KCTD16: variants seen among roughly 807,000 people sequenced by gnomAD.
KCTD16 encodes BTB/POZ domain-containing protein KCTD16.
In KCTD16, 13 loss-of-function variants were observed where a neutral mutation model predicts 33.2. The observed-to-expected ratio is 0.39, with a 90% CI of 0.25 to 0.62. The LOEUF is 0.62. KCTD16 is among the 20% of genes least tolerant of loss of function. KCTD16 has a pLI of 0.50. For missense variants in KCTD16, 441 were observed against 525.1 expected, an observed-to-expected ratio of 0.84 and a Z score of 1.57; for synonymous variants, 197 against 195.3, an observed-to-expected ratio of 1.01 and a Z score of -0.07.
In KCTD16 at chr5:144,479,365, C is replaced by CAAAAAAAAAAA. The variant is rs368957124; in HGVS notation, c.*5257_*5267dup. On this transcript the variant is annotated 3_prime_UTR_variant, in exon 4 of 4. Coordinates refer to ENST00000512467, the MANE Select transcript of KCTD16 (RefSeq NM_020768.4). Reference sequence around the variant, plus strand: ...CCAAACTGATGTGTAAGAATAAATGCAAAAAAAAAAAAAAAAGAAAAAGAA... The same window carrying CAAAAAAAAAAA: ...CCAAACTGATGTGTAAGAATAAATGCAAAAAAAAAAAAAAAAAAAAAAAAAAAGAAAAAGAA... 3 of 92,462 alleles carry CAAAAAAAAAAA rather than the reference C, an allele frequency of 3.2e-5. No individual in the cohort carries two copies. Among genetic ancestry groups the CAAAAAAAAAAA allele is most frequent in the African/African-American group, 5.0e-5 (1 of 20,126 alleles). 5.7% of individuals were successfully genotyped at this position (92,462 alleles called of 1,614,324 possible).
chr5:144,387,492 G>A (rs1399889683), intron 3 of KCTD16, among the ~76,000 whole-genome samples: 1 of 152,104 alleles, frequency 6.6e-6, no homozygotes, highest in Non-Finnish European at 1.5e-5. Flanking sequence ...ATACCCAAGG[G>A]TAATAATTTT....
At chr5:144,259,041 G>T (rs1183038137) in intron 3 of KCTD16, among the ~76,000 whole-genome samples, 1 of 152,014 alleles carries the variant, frequency 6.6e-6, no homozygotes, top group African/African-American at 2.4e-5. Flanking sequence ...GGCAGATCAC[G>T]AGGTTAGGAG....
At chr5:144,423,363 G>T (rs371320281) in intron 3 of KCTD16, among the ~76,000 whole-genome samples, 1 of 152,102 alleles carries the variant, frequency 6.6e-6, no homozygotes, top group Non-Finnish European at 1.5e-5. Flanking sequence ...TGTGTAGAAT[G>T]AACTGTAGGG....
In KCTD16 at chr5:144,253,533, G is replaced by C. The variant is rs544589208; in HGVS notation, c.832+45987G>C. Reference sequence around the variant, plus strand: ...AACATATTCCTTCTTCAAATATAAGGACTAGCTTTGTGTAACTTTACTACT... The same window carrying C: ...AACATATTCCTTCTTCAAATATAAGCACTAGCTTTGTGTAACTTTACTACT... On this transcript the variant is annotated intron_variant, in intron 3 of 3. Coordinates refer to ENST00000512467, the MANE Select transcript of KCTD16 (RefSeq NM_020768.4). Among the ~76,000 whole-genome samples, 80 of 152,240 alleles carry C rather than the reference G, an allele frequency of 5.3e-4. 1 individual carries two copies. Among genetic ancestry groups the C allele is most frequent in the Non-Finnish European group, 8.1e-4 (55 of 68,004 alleles).
rs769825888 is a variant in KCTD16 at position 144,207,440 on chromosome 5, G to C, written c.726G>C (p.Glu242Asp). 5.0e-6 allele frequency: 8 copies of C among 1,614,238 alleles called. No individual in the cohort carries two copies. The East Asian group carries it at 1.1e-4, about 22-fold the overall frequency. The change falls in exon 3 of 4, where the codon GAG becomes GAC. Residue 242 changes from glutamate to aspartate, a missense_variant. Physicochemically the swap from Glu to Asp is conservative, Grantham distance 45 (BLOSUM62 2). Coordinates refer to ENST00000512467, the MANE Select transcript of KCTD16 (RefSeq NM_020768.4). ...AAAGGGCTTTTGATATGTTGTCAGA[G>C]TGTGGATTCCACATGGTGGCCTGTA... ...HLERAFDMLS[E>D]CGFHMVACNS... is the part of the protein sequence containing the mutation.
chr5:144,268,232 C>T (rs1000665657), intron 3 of KCTD16, among the ~76,000 whole-genome samples: 12 of 152,174 alleles, frequency 7.9e-5, no homozygotes. Context: ...AATACTCTAT[C>T]CTCCAAATGT....
At chr5:144,305,553 C>T (rs1358917385) in intron 3 of KCTD16, among the ~76,000 whole-genome samples, 4 of 152,142 alleles carry the variant, frequency 2.6e-5, no homozygotes. Context: ...CAGTGGCTCA[C>T]GCCTGTAATC....
At chr5:144,328,869 T>C (rs1031691271) in intron 3 of KCTD16, among the ~76,000 whole-genome samples, 5 of 151,960 alleles carry the variant, frequency 3.3e-5, no homozygotes, top group Admixed American at 1.3e-4. Context: ...TTTTCTTTTT[T>C]TTTTTTTATC....
At chr5:144,428,642 A>C (rs1363280768) in intron 3 of KCTD16, among the ~76,000 whole-genome samples, 4 of 152,192 alleles carry the variant, frequency 2.6e-5, no homozygotes, top group Non-Finnish European at 5.9e-5. Flanking sequence ...AATAATAAGC[A>C]ATATTGTTTT....
intron 3 of KCTD16, among the ~76,000 whole-genome samples, chr5:144,324,931 G>A (rs1752165507): frequency 6.6e-6 from 1 of 152,184 alleles, no homozygotes; most frequent in Non-Finnish European, 1.5e-5. Flanking sequence ...TGTGGCAGGG[G>A]TGAAGGGAGG....
chr5:144,264,230 A>C (rs1358942845), intron 3 of KCTD16, among the ~76,000 whole-genome samples: 2 of 152,234 alleles, frequency 1.3e-5, no homozygotes, highest in Non-Finnish European at 2.9e-5. Flanking sequence ...AAGATTATGC[A>C]TGCTTACTGT....
chr5:144,470,686 A>G (rs562930098), intron 3 of KCTD16, among the ~76,000 whole-genome samples: 2 of 152,336 alleles, frequency 1.3e-5, no homozygotes, highest in East Asian at 3.9e-4. Flanking sequence ...GATAGTGCCC[A>G]GAATAAGTGG....
intron 3 of KCTD16, among the ~76,000 whole-genome samples, chr5:144,419,481 G>A (rs1027690873): frequency 1.3e-5 from 2 of 152,108 alleles, no homozygotes; most frequent in Non-Finnish European, 2.9e-5. Context: ...ATATTTCTCT[G>A]TGTATGTTTA....
chr5:144,376,600 T>C (rs1183391150), intron 3 of KCTD16, among the ~76,000 whole-genome samples: 1 of 152,158 alleles, frequency 6.6e-6, no homozygotes, highest in Admixed American at 6.5e-5. Flanking sequence ...TAAAGACTGA[T>C]TTACAGAGCA....
intron 3 of KCTD16, among the ~76,000 whole-genome samples, chr5:144,426,440 A>C (rs1753331453): frequency 1.3e-5 from 2 of 152,132 alleles, no homozygotes; most frequent in Non-Finnish European, 2.9e-5. Context: ...TTTGCAAAAA[A>C]TACAGGCTTT....
intron 3 of KCTD16, among the ~76,000 whole-genome samples, chr5:144,244,034 C>T (rs1449226717): frequency 6.6e-6 from 1 of 152,076 alleles, no homozygotes; most frequent in Non-Finnish European, 1.5e-5. Context: ...TGAGCCACCG[C>T]GTCCAGCCCC....
intron 3 of KCTD16, among the ~76,000 whole-genome samples, chr5:144,463,790 C>G (rs936919926): frequency 1.3e-5 from 2 of 152,136 alleles, no homozygotes; most frequent in Non-Finnish European, 2.9e-5. Context: ...AAATAAGCCT[C>G]TGTAAGGAAA....
intron 3 of KCTD16, among the ~76,000 whole-genome samples, chr5:144,381,051 T>C (rs1370097898): frequency 6.6e-6 from 1 of 152,062 alleles, no homozygotes; most frequent in Non-Finnish European, 1.5e-5. Flanking sequence ...TTGCAAACTA[T>C]GCATCTGATA....
chr5:144,220,359 T>G (rs1411727446), intron 3 of KCTD16, among the ~76,000 whole-genome samples: 1 of 152,200 alleles, frequency 6.6e-6, no homozygotes, highest in Non-Finnish European at 1.5e-5. Context: ...CTTGTTTATT[T>G]TCCCTCTATA....
Sources: allele counts gnomAD v4.1 joint callset (sites outside exome capture counted in the v4.1 genomes callset), GRCh38; gene constraint gnomAD v4.1.1; transcripts MANE v1.5; gene names NCBI Gene and HGNC (gene_info 2026-07-23, HGNC 2026-07-21).